The following KDM4C variants were observed in gnomAD, a reference collection of about 807,000 sequenced individuals.
KDM4C encodes lysine-specific demethylase 4C.
A neutral mutation model predicts 129.3 loss-of-function variants in KDM4C; 81 were observed. The observed-to-expected ratio is 0.63, with a 90% CI of 0.52 to 0.75. The LOEUF (loss-of-function observed/expected upper bound fraction) is 0.75, where lower values mean the gene tolerates loss of function less well. Ranked by LOEUF, KDM4C falls within the 30% of genes least tolerant of loss-of-function variation. The pLI, the probability that KDM4C is intolerant of heterozygous loss-of-function variation, is 0.00. For synonymous variants in KDM4C, 573 were observed against 456.1 expected (o/e 1.26, Z -3.26); for missense variants, 1,457 against 1,304.0 (o/e 1.12, Z -1.81).
At chr9:6,759,542 G>A (rs892328365) in intron 1 of KDM4C, among the ~76,000 whole-genome samples, 4 of 152,112 alleles carry the variant, frequency 2.6e-5, no homozygotes, top group Non-Finnish European at 5.9e-5. Flanking sequence ...CAATTTCAGT[G>A]TTATGAAAAG....
intron 8 of KDM4C, among the ~76,000 whole-genome samples, chr9:6,927,078 C>T (rs1386682783): frequency 2.1e-5 from 3 of 142,978 alleles, no homozygotes; most frequent in Non-Finnish European, 4.7e-5. Context: ...TCTATCCTTT[C>T]AAAAAAAATT....
At chr9:6,871,075 C>T (rs989788859) in intron 5 of KDM4C, among the ~76,000 whole-genome samples, 1 of 152,148 alleles carries the variant, frequency 6.6e-6, no homozygotes, top group African/African-American at 2.4e-5. Context: ...AAACACACAG[C>T]CCCAGGGCTC....
At chr9:7,058,562 C>G (rs1425237498) in intron 17 of KDM4C, among the ~76,000 whole-genome samples, 3 of 152,114 alleles carry the variant, frequency 2.0e-5, no homozygotes, top group Non-Finnish European at 4.4e-5. Context: ...ATGGCTGGCA[C>G]TTACCATACA....
chr9:6,815,878 T>C (rs921808642), intron 4 of KDM4C, among the ~76,000 whole-genome samples: 2 of 152,242 alleles, frequency 1.3e-5, no homozygotes, highest in African/African-American at 4.8e-5. Context: ...TCTTTGTGTC[T>C]CTTTATCTCT....
At chr9:7,170,010 A>C (rs561047864) in intron 21 of KDM4C, 120 bp downstream of exon 21, 229 of 1,554,996 alleles carry the variant, frequency 1.5e-4, no homozygotes, top group Non-Finnish European at 1.9e-4. Flanking sequence ...AAAAAAGCCA[A>C]TGCAACATTT....
intron 20 of KDM4C, among the ~76,000 whole-genome samples, 175 bp from the exon 21 acceptor site, chr9:7,169,623 T>G (rs926778068): frequency 6.6e-6 from 1 of 152,246 alleles, no homozygotes; most frequent in African/African-American, 2.4e-5. Flanking sequence ...TGAGCCACCA[T>G]GCCCGGCCTC....
chr9:6,781,758 A>G (rs1824392130), intron 1 of KDM4C, among the ~76,000 whole-genome samples: 2 of 151,966 alleles, frequency 1.3e-5, no homozygotes, highest in South Asian at 2.1e-4. Flanking sequence ...TCATTGCGCT[A>G]TGCGTGTCTG....
intron 8 of KDM4C, among the ~76,000 whole-genome samples, chr9:6,969,048 G>A (rs911126356): frequency 6.6e-6 from 1 of 152,030 alleles, no homozygotes; most frequent in Non-Finnish European, 1.5e-5. Flanking sequence ...TGATTCTTGT[G>A]CCTCGGCTTT....
intron 8 of KDM4C, among the ~76,000 whole-genome samples, chr9:6,967,320 G>T (rs1589370311): frequency 6.6e-6 from 1 of 151,776 alleles, no homozygotes; most frequent in African/African-American, 2.4e-5. Flanking sequence ...GCTACTCGGG[G>T]GGCTGAAGCA....
At chr9:6,928,092 C>G (rs1271325404) in intron 8 of KDM4C, among the ~76,000 whole-genome samples, 1 of 152,170 alleles carries the variant, frequency 6.6e-6, no homozygotes, top group African/African-American at 2.4e-5. Context: ...GTTGGGCTAT[C>G]AAACAGCTTT....
At chr9:6,779,944 A>G (rs1001496020) in intron 1 of KDM4C, among the ~76,000 whole-genome samples, 1 of 152,194 alleles carries the variant, frequency 6.6e-6, no homozygotes. Context: ...TTCATTTTGT[A>G]GCACTGAATG....
intron 4 of KDM4C, 105 bp downstream of exon 4, chr9:6,814,850 C>G (rs1010647357): frequency 3.5e-6 from 2 of 575,344 alleles, no homozygotes; most frequent in Non-Finnish European, 6.0e-6. Context: ...TTTGGGTGAT[C>G]CATAATTCCT....
rs191657203 is a variant in KDM4C at position 6,810,839 on chromosome 9, C to T, written c.321-3792C>T. ...TGAGTTGTGATTGCACCATTGCCCC[C>T]GAGCCTGGGTGACAAGAGCAAGACC... is the stretch of plus-strand genomic sequence containing the variant. On this transcript the variant is annotated intron_variant, in intron 3 of 21. Transcript: ENST00000381309. Among the ~76,000 whole-genome samples, 19 of 151,816 alleles carry T rather than the reference C, an allele frequency of 1.3e-4. No homozygotes were observed. In the East Asian group the frequency reaches 1.9e-3, roughly 15 times the overall value.
intron 19 of KDM4C, among the ~76,000 whole-genome samples, chr9:7,129,000 C>G (rs1274053221): frequency 6.6e-6 from 1 of 152,128 alleles, no homozygotes; most frequent in Admixed American, 6.6e-5. Context: ...GAAATCAAAT[C>G]TCGTGACTGA....
chr9:7,037,180 G>C (rs74827126), intron 15 of KDM4C, among the ~76,000 whole-genome samples: 1 of 152,038 alleles, frequency 6.6e-6, no homozygotes, highest in African/African-American at 2.4e-5. Flanking sequence ...CCTATTTTAC[G>C]GTTTTGTGTT....
intron 1 of KDM4C, among the ~76,000 whole-genome samples, chr9:6,767,169 C>T (rs576166765): frequency 2.0e-5 from 3 of 151,750 alleles, no homozygotes; most frequent in East Asian, 1.9e-4. Flanking sequence ...GATGGAGTCT[C>T]GCTGTGTCGC....
intron 5 of KDM4C, among the ~76,000 whole-genome samples, chr9:6,857,291 CAAA>C (rs1207792129): frequency 2.0e-5 from 3 of 152,094 alleles, no homozygotes; most frequent in Admixed American, 6.5e-5. Context: ...CAAACAAAAA[CAAA>C]CCCCAAAACA....
intron 3 of KDM4C, among the ~76,000 whole-genome samples, chr9:6,810,409 A>G (rs1423037190): frequency 6.6e-6 from 1 of 152,202 alleles, no homozygotes; most frequent in Non-Finnish European, 1.5e-5. Context: ...AAATGGTATA[A>G]ATTTTTAGGC....
chr9:6,884,948 A>G (rs1845031545), intron 6 of KDM4C, among the ~76,000 whole-genome samples: 1 of 152,252 alleles, frequency 6.6e-6, no homozygotes, highest in African/African-American at 2.4e-5. Context: ...ATATTTTTAG[A>G]CACATCCACT....
Sources: allele counts gnomAD v4.1 joint callset (sites outside exome capture counted in the v4.1 genomes callset), GRCh38; gene constraint gnomAD v4.1.1; transcripts MANE v1.5; gene names NCBI Gene and HGNC (gene_info 2026-07-23, HGNC 2026-07-21).